Variants in BRINP3 observed in about 807,000 individuals in gnomAD.
The protein encoded by BRINP3 is BMP/retinoic acid-inducible neural-specific protein 3.
BRINP3 carries 19 observed loss-of-function variants against 71.0 expected under a neutral mutation model. The observed-to-expected ratio is 0.27, with a 90% CI of 0.19 to 0.39. The LOEUF is 0.39. Among genes scored for constraint, BRINP3 ranks in the 10% least tolerant of loss-of-function variants. The probability of loss-of-function intolerance (pLI) is 1.00; values close to 1 mark genes in which losing one functional copy is unlikely to be tolerated. For synonymous variants in BRINP3, 380 were observed against 337.7 expected (o/e 1.13, Z -1.37); for missense variants, 959 against 940.8 (o/e 1.02, Z -0.25).
chr1:190,302,228 A>C (rs1027960389), intron 2 of BRINP3, among the ~76,000 whole-genome samples: 6 of 148,248 alleles, frequency 4.0e-5, no homozygotes, highest in Non-Finnish European at 3.0e-5. Context: ...TTGGACAAGA[A>C]GTGTATATAT....
intron 6 of BRINP3, among the ~76,000 whole-genome samples, chr1:190,178,872 A>G (rs1458655814): frequency 6.6e-6 from 1 of 152,208 alleles, no homozygotes; most frequent in Non-Finnish European, 1.5e-5. Context: ...AATGCATTTA[A>G]ATTCAGTAGG....
intron 2 of BRINP3, among the ~76,000 whole-genome samples, chr1:190,364,246 T>G (rs988993264): frequency 6.6e-6 from 1 of 151,528 alleles, no homozygotes; most frequent in Non-Finnish European, 1.5e-5. Flanking sequence ...TTTTATAATG[T>G]TTTTTTCCAG....
At chr1:190,476,729 G>T (rs926902170) in intron 1 of BRINP3, among the ~76,000 whole-genome samples, 8 of 152,096 alleles carry the variant, frequency 5.3e-5, no homozygotes, top group Admixed American at 3.3e-4. Context: ...TCTCTGAAAT[G>T]AGTACTCTGT....
At chr1:190,354,764 T>G (rs1347932178) in intron 2 of BRINP3, among the ~76,000 whole-genome samples, 16 of 151,204 alleles carry the variant, frequency 1.1e-4, no homozygotes. Flanking sequence ...TAAAAGGTCT[T>G]CTAAGTGTTT....
chr1:190,386,516 G>A (rs1047890213), intron 2 of BRINP3, among the ~76,000 whole-genome samples: 9 of 151,778 alleles, frequency 5.9e-5, no homozygotes, highest in African/African-American at 1.9e-4. Flanking sequence ...AATATTTATA[G>A]TAATTCTCTT....
At chr1:190,186,409 T>C (rs1653529423) in intron 6 of BRINP3, among the ~76,000 whole-genome samples, 1 of 152,006 alleles carries the variant, frequency 6.6e-6, no homozygotes, top group South Asian at 2.1e-4. Context: ...GTAAAATTAG[T>C]TCAGGTATAT....
At chr1:190,189,525 T>C (rs1653846465) in intron 6 of BRINP3, among the ~76,000 whole-genome samples, 1 of 152,124 alleles carries the variant, frequency 6.6e-6, no homozygotes, top group Non-Finnish European at 1.5e-5. Flanking sequence ...TTTCTGCCTG[T>C]TCAATTCTGC....
At chr1:190,269,256 G>A (rs1661904863) in intron 3 of BRINP3, among the ~76,000 whole-genome samples, 1 of 151,996 alleles carries the variant, frequency 6.6e-6, no homozygotes, top group Non-Finnish European at 1.5e-5. Context: ...TGGAAAACAA[G>A]GGAGATGATT....
intron 6 of BRINP3, chr1:190,217,014 C>T (rs1656474717): frequency 6.6e-6 from 1 of 151,828 alleles, no homozygotes. Flanking sequence ...TGAAAGTAAC[C>T]TAAAACTCCA....
intron 2 of BRINP3, among the ~76,000 whole-genome samples, chr1:190,359,028 G>A (rs1212199545): frequency 6.6e-6 from 1 of 151,942 alleles, no homozygotes; most frequent in Non-Finnish European, 1.5e-5. Flanking sequence ...GGGGGAGAGG[G>A]GAGGGATAGC....
At chr1:190,452,229 G>A (rs1675658275) in intron 2 of BRINP3, among the ~76,000 whole-genome samples, 1 of 152,028 alleles carries the variant, frequency 6.6e-6, no homozygotes, top group Non-Finnish European at 1.5e-5. Context: ...AAAACTAAAG[G>A]TACCCTAATG....
At chr1:190,237,786 A>T (rs1411414946) in intron 4 of BRINP3, among the ~76,000 whole-genome samples, 1 of 152,040 alleles carries the variant, frequency 6.6e-6, no homozygotes, top group Admixed American at 6.6e-5. Flanking sequence ...GAGTAATTTT[A>T]TCAGCCATCA....
At chr1:190,187,022 G>A (rs1653589486) in intron 6 of BRINP3, among the ~76,000 whole-genome samples, 1 of 152,086 alleles carries the variant, frequency 6.6e-6, no homozygotes, top group Non-Finnish European at 1.5e-5. Context: ...TGAAAACGCA[G>A]AGTTTGTGTT....
chr1:190,281,556 G>T lies in BRINP3; in HGVS notation c.427+4C>A, dbSNP rs761810926. On this transcript the variant is annotated splice_donor_region_variant and intron_variant, in intron 3 of 7. Coordinates refer to ENST00000367462, the MANE Select transcript of BRINP3 (RefSeq NM_199051.3). ...CAGGCACAAATAGGTTCAAAGAGCC[G>T]TACCTCCCAGAGTAGCAGATAGCAA... 2 of 1,611,132 alleles carry T rather than the reference G, an allele frequency of 1.2e-6. No homozygotes were observed. The highest frequency in any genetic ancestry group is 8.5e-7 in the Non-Finnish European group (1 of 1,178,290).
intron 6 of BRINP3, among the ~76,000 whole-genome samples, chr1:190,174,538 C>T (rs376526700): frequency 6.6e-6 from 1 of 151,804 alleles, no homozygotes; most frequent in African/African-American, 2.4e-5. Flanking sequence ...CGGCAAAACT[C>T]GAAGTTTACA....
At chr1:190,292,834 A>G (rs1378801670) in intron 2 of BRINP3, among the ~76,000 whole-genome samples, 2 of 151,994 alleles carry the variant, frequency 1.3e-5, no homozygotes, top group Non-Finnish European at 2.9e-5. Flanking sequence ...ATTTGTTAGC[A>G]TATAGGAATT....
At chr1:190,337,815 C>T (rs1667389641) in intron 2 of BRINP3, among the ~76,000 whole-genome samples, 1 of 151,976 alleles carries the variant, frequency 6.6e-6, no homozygotes, top group South Asian at 2.1e-4. Flanking sequence ...CTAGAGAACC[C>T]TGACTAATAC....
chr1:190,271,505 A>T (rs1048134716), intron 3 of BRINP3, among the ~76,000 whole-genome samples: 1 of 151,596 alleles, frequency 6.6e-6, no homozygotes, highest in African/African-American at 2.4e-5. Context: ...ACTATTATTC[A>T]GAGCTGCATA....
intron 5 of BRINP3, among the ~76,000 whole-genome samples, chr1:190,234,138 T>C (rs1658284527): frequency 6.6e-6 from 1 of 152,142 alleles, no homozygotes; most frequent in South Asian, 2.1e-4. Flanking sequence ...AGGACAGATT[T>C]TCAATTGCTA....
Sources: gnomAD v4.1 joint callset for allele counts (sites outside exome capture counted in the v4.1 genomes callset) on GRCh38, gnomAD v4.1.1 for gene constraint, MANE v1.5 for transcripts, NCBI Gene and HGNC (gene_info 2026-07-23, HGNC 2026-07-21) for gene names.